Variants in PGGHG observed in about 807,000 individuals in gnomAD.
The protein encoded by PGGHG is ATH1, acid trehalase-like 1.
PGGHG carries 67 observed loss-of-function variants against 74.5 expected under a neutral mutation model. The ratio of observed to expected loss-of-function variants is 0.90; its 90% confidence interval spans 0.74 to 1.10. The LOEUF (loss-of-function observed/expected upper bound fraction) is 1.10, where lower values mean the gene tolerates loss of function less well. Ranked by LOEUF, PGGHG falls within the 50% of genes least tolerant of loss-of-function variation. The probability of loss-of-function intolerance (pLI) is 0.00; values close to 1 mark genes in which losing one functional copy is unlikely to be tolerated. For synonymous variants in PGGHG, 496 were observed against 419.9 expected, an observed-to-expected ratio of 1.18 and a Z score of -2.21; for missense variants, 1,034 against 981.5, an observed-to-expected ratio of 1.05 and a Z score of -0.72.
chr11:289,975 G>C lies in PGGHG; in HGVS notation c.159G>C (p.Thr53=). The change falls in exon 2 of 14, where the codon ACG becomes ACC. Residue 53 remains threonine (T), a synonymous_variant. Coordinates refer to ENST00000409548, the MANE Select transcript of PGGHG (RefSeq NM_025092.5). This position sits in a 1 kb window ranked among gnomAD's most constrained non-coding sequence, Gnocchi z 5.6. ...TGTACAATGGGGCTGGCGGGGACAC[G>C]CACCGGGCCATGCTGCCCAGCCCCC... ...SGVYNGAGGD[T]HRAMLPSPLN... is the part of the protein sequence containing the mutation. 6.5e-7 allele frequency: 1 copy of C among 1,549,648 alleles called. No individual in the cohort carries two copies. Among genetic ancestry groups the C allele is most frequent in the Non-Finnish European group, 8.7e-7 (1 of 1,146,842 alleles).
Position 290,261 on chromosome 11 carries a change from G to A in PGGHG, c.260-129G>A, listed in dbSNP as rs985993448. On this transcript the variant is annotated intron_variant, in intron 2 of 13. Transcript: ENST00000409548. ...TGGAGGCCTCCTGTGCAGCTGTAGC[G>A]GGAACGAGCAGCCGAGGGCCCAGAG... The A allele has an allele frequency of 1.4e-4, 184 of 1,355,888 alleles. 1 individual carries two copies. The highest frequency in any genetic ancestry group is 8.7e-5 in the African/African-American group (6 of 68,722). 84.0% of individuals were successfully genotyped at this position (1,355,888 alleles called of 1,614,324 possible).
chr11:292,578 C>A lies in PGGHG; in HGVS notation c.1059C>A (p.Ser353=), dbSNP rs575916205. The change falls in exon 6 of 14, where the codon TCC becomes TCA. Residue 353 remains serine (S), a synonymous_variant. Transcript: ENST00000409548. Reference sequence around the variant, plus strand: ...AGTTTGCCTGGGAGAGTGCAGACTCCGGCCTAGAGGTTTGCCCTGAGGACA... The same window carrying A: ...AGTTTGCCTGGGAGAGTGCAGACTCAGGCCTAGAGGTTTGCCCTGAGGACA... ...GAKFAWESAD[S]GLEVCPEDIY... is the part of the protein sequence containing the mutation. The A allele has an allele frequency of 6.2e-7, 1 of 1,613,532 alleles. No homozygotes were observed. The highest frequency in any genetic ancestry group is 8.5e-7 in the Non-Finnish European group (1 of 1,179,952).
Position 289,721 on chromosome 11 carries a change from G to A in PGGHG, c.-13-83G>A. 1.4e-6 allele frequency: 2 copies of A among 1,435,790 alleles called. No individual in the cohort carries two copies. The allele number at this position is 1,435,790 out of a possible 1,614,324, so 88.9% of individuals were successfully genotyped here. On this transcript the variant is annotated intron_variant, in intron 1 of 13. Coordinates refer to ENST00000409548, the MANE Select transcript of PGGHG (RefSeq NM_025092.5). The surrounding 1 kb of genome is among the most constrained non-coding windows in gnomAD (Gnocchi z 5.6). ...TTCCGCAACTCCCCCCAGTTCTGAG[G>A]GAGGCTTCAGGGGATTACAGACGGT...
chr11:291,528 T>G (rs1845720007), intron 4 of PGGHG: 2 of 241,428 alleles, frequency 8.3e-6, no homozygotes, highest in Admixed American at 5.1e-5. Flanking sequence ...CCGACGGGGG[T>G]GACGGGGACG....
rs1041358286 is a variant in PGGHG at position 289,528 on chromosome 11, G to C, written c.-13-276G>C. The C allele has an allele frequency of 1.1e-5, 5 of 475,446 alleles. No homozygotes were observed. The highest frequency in any genetic ancestry group is 2.0e-5 in the African/African-American group (1 of 51,020). 29.5% of individuals were successfully genotyped at this position (475,446 alleles called of 1,614,324 possible). ...TTGTGGGGGGTGCGTTTGGAAAGCA[G>C]GGTTAGGACTGGAATTCTAAGGTAG... On this transcript the variant is annotated intron_variant, in intron 1 of 13. Transcript: ENST00000409548. This position sits in a 1 kb window ranked among gnomAD's most constrained non-coding sequence, Gnocchi z 5.6.
At position 289,618 on chromosome 11, in the gene PGGHG, C is replaced by A; in HGVS notation, c.-13-186C>A. ...TGGAGATCAACCTTTGGGGTCTGAG[C>A]CCCTCTGAGAGTCGAGCTCCTTTCC... On this transcript the variant is annotated intron_variant, in intron 1 of 13. Coordinates refer to ENST00000409548, the MANE Select transcript of PGGHG (RefSeq NM_025092.5). The surrounding 1 kb of genome is among the most constrained non-coding windows in gnomAD (Gnocchi z 5.6). 4 of 700,432 alleles carry A rather than the reference C, an allele frequency of 5.7e-6. No individual in the cohort carries two copies. Among genetic ancestry groups the A allele is most frequent in the African/African-American group, 1.8e-5 (1 of 55,662 alleles). 43.4% of individuals were successfully genotyped at this position (700,432 alleles called of 1,614,324 possible).
Position 294,974 on chromosome 11 carries a change from G to C in PGGHG, c.*225G>C, listed in dbSNP as rs886251481. On this transcript the variant is annotated 3_prime_UTR_variant, in exon 14 of 14. Transcript: ENST00000409548. ...CCCGTGGCATCTCCACACCGCCTCT[G>C]CCTGCCCCTGTGGACTGATGCTATC... 7.7e-6 allele frequency: 4 copies of C among 521,420 alleles called. No individual in the cohort carries two copies. Among genetic ancestry groups the C allele is most frequent in the African/African-American group, 7.7e-5 (4 of 52,252 alleles). The allele number at this position is 521,420 out of a possible 1,614,324, so 32.3% of individuals were successfully genotyped here. A position where few individuals can be genotyped will look rare whatever the true frequency, so the allele number is the denominator to read the frequency against.
rs147434937 is a variant in PGGHG, at chr11:295,039, G to A, written c.*290G>A. On this transcript the variant is annotated 3_prime_UTR_variant, in exon 14 of 14. Transcript: ENST00000409548. ...GACCCCACCCCGAGCTCCTGAAGCC[G>A]GGGTCTGAGCCTGCATCACCTCTGG... is the stretch of plus-strand genomic sequence containing the variant. The A allele has an allele frequency of 9.9e-4, 302 of 305,460 alleles. 2 individuals carry two copies. Among genetic ancestry groups the A allele is most frequent in the East Asian group, 4.5e-3 (81 of 17,974 alleles). 18.9% of individuals were successfully genotyped at this position (305,460 alleles called of 1,614,324 possible).
At chr11:293,529 C>G in intron 9 of PGGHG, 27 bp downstream of exon 9, 1 of 1,611,948 alleles carries the variant, frequency 6.2e-7, no homozygotes, top group East Asian at 2.2e-5. Flanking sequence ...AAGGGCTCCT[C>G]CCCTGCCGTC....
In PGGHG at chr11:293,417, C is replaced by T. The variant is rs1414554611; in HGVS notation, c.1395C>T (p.Ser465=). ...LAQDLGLPIP[S]QWLAVADKIK... ...AGGACCTGGGTCTTCCCATCCCCAG[C>T]CAGTGGCTGGCGGTGGCTGACAAGA... The change falls in exon 9 of 14, where the codon AGC becomes AGT. Residue 465 remains serine, a synonymous_variant. Transcript: ENST00000409548. 6.2e-7 allele frequency: 1 copy of T among 1,612,784 alleles called. No individual in the cohort carries two copies. The highest frequency in any genetic ancestry group is 8.5e-7 in the Non-Finnish European group (1 of 1,179,994).
chr11:290,382 C>T lies in PGGHG; in HGVS notation c.260-8C>T. The T allele has an allele frequency of 1.9e-6, 3 of 1,541,416 alleles. No individual in the cohort carries two copies. The highest frequency in any genetic ancestry group is 2.6e-6 in the Non-Finnish European group (3 of 1,146,532). ...GCAACCCACCTGCCTTCGCTTCTGCCTCCCCAGGCTCCTTTCTTCACACCC... is the reference window on the plus strand; with the variant it reads ...GCAACCCACCTGCCTTCGCTTCTGCTTCCCCAGGCTCCTTTCTTCACACCC... On this transcript the variant is annotated splice_polypyrimidine_tract_variant and splice_region_variant and intron_variant, in intron 2 of 13. Coordinates refer to ENST00000409548, the MANE Select transcript of PGGHG (RefSeq NM_025092.5).
chr11:292,612 G>GGACA lies in PGGHG; in HGVS notation c.1093_1094insGACA (p.Val365GlyfsTer49). ...GGTTTGCCCTGAGGACATTTACGGA[G>GGACA]TCCAGGAGGTCCACGTCAACGGGGC... On this transcript the variant is annotated frameshift_variant, in exon 6 of 14. Coordinates refer to ENST00000409548, the MANE Select transcript of PGGHG (RefSeq NM_025092.5). LOFTEE classifies it high-confidence loss of function. 6.2e-7 allele frequency: 1 copy of GGACA among 1,613,746 alleles called. No individual in the cohort carries two copies. Among genetic ancestry groups the GGACA allele is most frequent in the East Asian group, 2.2e-5 (1 of 44,882 alleles).
At chr11:291,830 T>C (rs1458291120) in intron 4 of PGGHG, 146 bp from the exon 5 acceptor site, 3 of 1,168,058 alleles carry the variant, frequency 2.6e-6, no homozygotes, top group South Asian at 1.7e-5. Context: ...GGTGGGCAGG[T>C]GGGGAGGGCC....
chr11:291,720 C>T lies in PGGHG; in HGVS notation c.907-256C>T, dbSNP rs543211561. The T allele has an allele frequency of 3.3e-4, 150 of 450,504 alleles. 2 individuals carry two copies. Among genetic ancestry groups the T allele is most frequent in the African/African-American group, 2.4e-3 (118 of 49,738 alleles). The allele number at this position is 450,504 out of a possible 1,614,324, so 27.9% of individuals were successfully genotyped here. On this transcript the variant is annotated intron_variant, in intron 4 of 13. Coordinates refer to ENST00000409548, the MANE Select transcript of PGGHG (RefSeq NM_025092.5). ...GCCTGAAGCTGCCCATGCGCATATT[C>T]GGGCTGGAGCCTCTGAGGCCACACA... is the stretch of plus-strand genomic sequence containing the variant.
rs529572127 is a variant in PGGHG, at chr11:290,893, C to T, written c.686C>T (p.Thr229Met). 25 of 1,611,718 alleles carry T rather than the reference C, an allele frequency of 1.6e-5. No individual in the cohort carries two copies. The South Asian group carries it at 1.6e-4, about 11-fold the overall frequency. ...CTGCAGGCCAGGGGAGCTCTGTATA[C>T]GGCTCACGCACAGGCCTGGGCCCAG... is the stretch of plus-strand genomic sequence containing the variant. Reference protein sequence around the residue: ...LQLQARGALYTAHAQAWAQLW... With the variant: ...LQLQARGALYMAHAQAWAQLW... The change falls in exon 4 of 14, where the codon ACG (threonine) becomes ATG (methionine). Residue 229 changes from threonine to methionine, a missense_variant. By Grantham distance (81) the Thr-to-Met change is moderately conservative (BLOSUM62 -1). Coordinates refer to ENST00000409548, the MANE Select transcript of PGGHG (RefSeq NM_025092.5).
At position 293,455 on chromosome 11, in the gene PGGHG, T is replaced by A; in HGVS notation, c.1433T>A (p.Phe478Tyr). The A allele has an allele frequency of 6.2e-7, 1 of 1,612,162 alleles. No individual in the cohort carries two copies. Among genetic ancestry groups the A allele is most frequent in the Non-Finnish European group, 8.5e-7 (1 of 1,179,996 alleles). The change falls in exon 9 of 14, where the codon TTT (phenylalanine) becomes TAT (tyrosine). Residue 478 changes from phenylalanine (F) to tyrosine (Y), a missense_variant. By Grantham distance (22) the Phe-to-Tyr change is conservative. Coordinates refer to ENST00000409548, the MANE Select transcript of PGGHG (RefSeq NM_025092.5). ...GTGGCTGACAAGATCAAGGTACCCT[T>A]TGACGTGGAGCAGAACTTCCACCCG... ...LAVADKIKVP[F>Y]DVEQNFHPEF...
At position 295,414 on chromosome 11, in the gene PGGHG, C is replaced by A. The variant is rs1338421305; in HGVS notation, c.*665C>A. On this transcript the variant is annotated 3_prime_UTR_variant, in exon 14 of 14. Transcript: ENST00000409548. The stretch of plus-strand genomic sequence containing the variant: ...GGTGGGGGAGTGGGAAGTGGGAAGT[C>A]ACCAGAGAACAGGAGAGGGATTTGA... The A allele has an allele frequency of 6.6e-6, 1 of 152,360 alleles. No homozygotes were observed. Among genetic ancestry groups the A allele is most frequent in the Non-Finnish European group, 1.5e-5 (1 of 68,162 alleles). 9.4% of individuals were successfully genotyped at this position (152,360 alleles called of 1,614,324 possible).
At position 290,511 on chromosome 11, in the gene PGGHG, C is replaced by T. The variant is rs377062411; in HGVS notation, c.381C>T (p.Ser127=). 8.4e-6 allele frequency: 13 copies of T among 1,550,454 alleles called. No individual in the cohort carries two copies. The highest frequency in any genetic ancestry group is 2.4e-5 in the East Asian group (1 of 40,920). ...RVSIARLAPG[S]GPITLLLRSA... is the part of the protein sequence containing the mutation. ...CCATCGCCCGCCTGGCCCCGGGGAG[C>T]GGGCCCATCACGCTGCTCCTGCGGT... is the stretch of plus-strand genomic sequence containing the variant. The change falls in exon 3 of 14, where the codon AGC becomes AGT. Residue 127 remains serine (S), a synonymous_variant. Coordinates refer to ENST00000409548, the MANE Select transcript of PGGHG (RefSeq NM_025092.5).
Position 293,892 on chromosome 11 carries a change from C to G in PGGHG, c.1677C>G (p.Asp559Glu), listed in dbSNP as rs1845801141. The change falls in exon 11 of 14, where the codon GAC becomes GAG. Residue 559 changes from aspartate (D) to glutamate (E), a missense_variant. Transcript: ENST00000409548. ...KDAVRARGLLDRSFANMAEPF... is the reference protein window; with the variant it reads ...KDAVRARGLLERSFANMAEPF... Reference sequence around the variant, plus strand: ...CAGTGCGGGCCCGGGGCCTCCTGGACAGGAGCTTTGCCAACATGGCTGAAC... The same window carrying G: ...CAGTGCGGGCCCGGGGCCTCCTGGAGAGGAGCTTTGCCAACATGGCTGAAC... 7 of 1,613,304 alleles carry G rather than the reference C, an allele frequency of 4.3e-6. No homozygotes were observed. The highest frequency in any genetic ancestry group is 1.7e-5 in the Admixed American group (1 of 59,974).
Sources: allele counts gnomAD v4.1 joint callset, GRCh38; gene constraint gnomAD v4.1.1; non-coding constraint Gnocchi (gnomAD v3.1); transcripts MANE v1.5; gene names NCBI Gene and HGNC (gene_info 2026-07-23, HGNC 2026-07-21).